NPC1: variants seen among roughly 807,000 people sequenced by gnomAD.
NPC1 encodes the protein NPC intracellular cholesterol transporter 1.
Under a neutral mutation model 140.4 loss-of-function variants are expected in NPC1, and 85 were observed. The ratio of observed to expected loss-of-function variants is 0.61; its 90% confidence interval spans 0.51 to 0.72. The LOEUF (loss-of-function observed/expected upper bound fraction) is 0.72, where lower values mean the gene tolerates loss of function less well. NPC1 is among the 30% of genes least tolerant of loss of function. NPC1 has a pLI of 0.00. For synonymous variants in NPC1, 656 were observed against 624.8 expected (o/e 1.05, Z -0.74); for missense variants, 1,504 against 1,623.8 (o/e 0.93, Z 1.27).
At chr18:23,559,492 CTTTTTTTTT>C (rs57612444) in intron 6 of NPC1, among the ~76,000 whole-genome samples, 1 of 81,454 alleles carries the variant, frequency 1.2e-5, no homozygotes, top group South Asian at 4.3e-4. Flanking sequence ...TTGACTCTGA[CTTTTTTTTT>C]TTTTTTTTTT....
At chr18:23,547,341 A>G (rs1304846933) in intron 11 of NPC1, among the ~76,000 whole-genome samples, 1 of 152,214 alleles carries the variant, frequency 6.6e-6, no homozygotes, top group Non-Finnish European at 1.5e-5. Context: ...ATACAAATAT[A>G]CATCATGGAC....
chr18:23,521,310 T>C (rs2058135509), downstream of NPC1, among the ~76,000 whole-genome samples: 1 of 152,234 alleles, frequency 6.6e-6, no homozygotes, highest in Non-Finnish European at 1.5e-5. Flanking sequence ...TGATTAGCCG[T>C]TGATGGTGAA....
intron 9 of NPC1, among the ~76,000 whole-genome samples, chr18:23,553,261 T>C (rs1180526562): frequency 6.6e-6 from 1 of 152,234 alleles, no homozygotes; most frequent in African/African-American, 2.4e-5. Flanking sequence ...AACTATAAAA[T>C]TTATGTAACA....
intron 22 of NPC1, 116 bp from the exon 23 acceptor site, chr18:23,534,675 C>A: frequency 1.3e-6 from 1 of 786,562 alleles, no homozygotes; most frequent in Non-Finnish European, 2.2e-6. Context: ...TAGAGGAGGC[C>A]AAGCATCCCA....
intron 14 of NPC1, among the ~76,000 whole-genome samples, chr18:23,542,815 C>G (rs2058730437): frequency 6.6e-6 from 1 of 152,172 alleles, no homozygotes; most frequent in South Asian, 2.1e-4. Flanking sequence ...AGTGGCTACT[C>G]AAGGATGCCA....
chr18:23,531,058 G>C (rs1441670117), downstream of NPC1, among the ~76,000 whole-genome samples: 2 of 151,210 alleles, frequency 1.3e-5, no homozygotes, highest in Non-Finnish European at 3.0e-5. Flanking sequence ...GCAGTGGTGT[G>C]ATCTCGGTTC....
chr18:23,519,009 C>T (rs749963920), downstream of NPC1: 1 of 1,613,486 alleles, frequency 6.2e-7, no homozygotes, highest in Non-Finnish European at 8.5e-7. Context: ...TTCCCTCTCT[C>T]TCTGATTTTA....
At chr18:23,566,772 T>C (rs2059131559) in intron 4 of NPC1, among the ~76,000 whole-genome samples, 1 of 152,242 alleles carries the variant, frequency 6.6e-6, no homozygotes, top group Admixed American at 6.5e-5. Context: ...CATATAAACA[T>C]GTAACCACCA....
At chr18:23,521,950 C>T (rs1296760585), downstream of NPC1, among the ~76,000 whole-genome samples, 2 of 152,208 alleles carry the variant, frequency 1.3e-5, no homozygotes, top group African/African-American at 2.4e-5. Flanking sequence ...GTGTGCAAGA[C>T]GTAGTCAGAT....
chr18:23,513,488 A>T (rs943368656), intron 3 of NPC1, among the ~76,000 whole-genome samples: 1 of 152,252 alleles, frequency 6.6e-6, no homozygotes, highest in East Asian at 1.9e-4. Flanking sequence ...CATTGTGAAT[A>T]GTGCTGCTGT....
At chr18:23,552,301 AT>A (rs2058884373) in intron 9 of NPC1, among the ~76,000 whole-genome samples, 1 of 151,908 alleles carries the variant, frequency 6.6e-6, no homozygotes, top group Non-Finnish European at 1.5e-5. Context: ...TAAAAAAAAA[AT>A]AATAATAATT....
downstream of NPC1, among the ~76,000 whole-genome samples, chr18:23,519,535 T>C (rs1001023600): frequency 6.6e-6 from 1 of 151,602 alleles, no homozygotes; most frequent in Non-Finnish European, 1.5e-5. Flanking sequence ...AAAAAAAAAT[T>C]GGCAAAATGT....
intron 16 of NPC1, 84 bp from the exon 17 acceptor site, chr18:23,540,621 AAGC>A: frequency 9.7e-7 from 1 of 1,031,688 alleles, no homozygotes; most frequent in Non-Finnish European, 1.5e-6. Flanking sequence ...CACACACAAA[AAGC>A]AGGATTTTTT....
chr18:23,509,288 T>C, intron 3 of NPC1: 1 of 1,355,708 alleles, frequency 7.4e-7, no homozygotes, highest in Non-Finnish European at 9.7e-7. Flanking sequence ...AGGTATTATG[T>C]TTATCATTTA....
chr18:23,573,468 C>T lies in NPC1; in HGVS notation c.164G>A (p.Gly55Glu), dbSNP rs754920859. The T allele has an allele frequency of 3.7e-6, 6 of 1,614,200 alleles. No individual in the cohort carries two copies. The highest frequency in any genetic ancestry group is 5.1e-6 in the Non-Finnish European group (6 of 1,180,030). ...TGAACTTACCTGCACTAAGTCATATCCATCCTTTGGCAATGGTTTTGGTGG... is the reference window on the plus strand; with the variant it reads ...TGAACTTACCTGCACTAAGTCATATTCATCCTTTGGCAATGGTTTTGGTGG... ...SGPPKPLPKDGYDLVQELCPG... is the reference protein window; with the variant it reads ...SGPPKPLPKDEYDLVQELCPG... The change falls in exon 2 of 25, where the codon GGA (glycine) becomes GAA (glutamate). Residue 55 changes from glycine (G) to glutamate (E), a missense_variant. Coordinates refer to ENST00000269228, the MANE Select transcript of NPC1 (RefSeq NM_000271.5).
intron 3 of NPC1, 106 bp from the exon 4 acceptor site, chr18:23,569,104 A>G: frequency 1.3e-6 from 1 of 789,502 alleles, no homozygotes; most frequent in Non-Finnish European, 2.1e-6. Flanking sequence ...TAAAGTGACA[A>G]ATTACCAAGA....
chr18:23,536,600 G>T, intron 21 of NPC1, 73 bp downstream of exon 21: 1 of 1,365,204 alleles, frequency 7.3e-7, no homozygotes, highest in East Asian at 2.4e-5. Context: ...ATCTTGCCAA[G>T]GGAACCCTCC....
Position 23,561,544 on chromosome 18 carries a change from A to C in NPC1, c.464-17T>G, listed in dbSNP as rs200985775. 2.9e-5 allele frequency: 46 copies of C among 1,613,342 alleles called. No homozygotes were observed. The East Asian group carries it at 1.0e-3, about 36-fold the overall frequency. ...TGTACATTGCTAGAAGAGGAAACCC[A>C]AAGGAAAAAGGAGACAAGATGCTTG... is the stretch of plus-strand genomic sequence containing the variant. On this transcript the variant is annotated splice_polypyrimidine_tract_variant and intron_variant, in intron 4 of 24. Transcript: ENST00000269228.
intron 22 of NPC1, 79 bp from the exon 23 acceptor site, chr18:23,534,638 G>T: frequency 8.7e-7 from 1 of 1,147,352 alleles, no homozygotes. Context: ...GAGGATGGGT[G>T]CTAATTACCC....
Sources: allele counts gnomAD v4.1 joint callset (sites outside exome capture counted in the v4.1 genomes callset), GRCh38; gene constraint gnomAD v4.1.1; transcripts MANE v1.5; gene names NCBI Gene and HGNC (gene_info 2026-07-23, HGNC 2026-07-21).